Variants in PIP5K1B observed in about 807,000 individuals in gnomAD.
PIP5K1B encodes phosphatidylinositol 4-phosphate 5-kinase type-1 beta.
In PIP5K1B, 42 loss-of-function variants were observed where a neutral mutation model predicts 67.0. That is an observed-to-expected ratio of 0.63 (90% CI 0.49 to 0.81). The LOEUF (loss-of-function observed/expected upper bound fraction) is 0.81, where lower values mean the gene tolerates loss of function less well. Ranked by LOEUF, PIP5K1B falls within the 30% of genes least tolerant of loss-of-function variation. The pLI, the probability that PIP5K1B is intolerant of heterozygous loss-of-function variation, is 0.00. For missense variants in PIP5K1B, 459 were observed against 646.3 expected (o/e 0.71, Z 3.14); for synonymous variants, 214 against 231.4 (o/e 0.92, Z 0.68).
chr9:68,813,968 C>T (rs1353048571), intron 2 of PIP5K1B, among the ~76,000 whole-genome samples: 1 of 152,152 alleles, frequency 6.6e-6, no homozygotes, highest in Non-Finnish European at 1.5e-5. Context: ...AGCGACAGCC[C>T]TAGGAAACTG....
intron 13 of PIP5K1B, among the ~76,000 whole-genome samples, chr9:68,937,620 T>A (rs1353117171): frequency 6.6e-6 from 1 of 152,202 alleles, no homozygotes; most frequent in Non-Finnish European, 1.5e-5. Context: ...TCTGCTCTGA[T>A]CTTAGTTATT....
intron 8 of PIP5K1B, among the ~76,000 whole-genome samples, chr9:68,916,664 G>A (rs1163493547): frequency 6.6e-6 from 1 of 152,126 alleles, no homozygotes; most frequent in African/African-American, 2.4e-5. Flanking sequence ...ATGGGGTCAT[G>A]GGTTCGAGAC....
chr9:68,993,319 G>A (rs900355427), intron 15 of PIP5K1B, among the ~76,000 whole-genome samples: 1 of 152,062 alleles, frequency 6.6e-6, no homozygotes, highest in African/African-American at 2.4e-5. Context: ...TCTGCCTTGG[G>A]ACTTTTGTGT....
chr9:68,788,813 A>G lies in PIP5K1B; in HGVS notation c.-85-29648A>G, dbSNP rs117390286. On this transcript the variant is annotated intron_variant, in intron 2 of 15. Coordinates refer to ENST00000265382, the MANE Select transcript of PIP5K1B (RefSeq NM_003558.4). ...TTATTCCAAAGCATACAAGTGAACT[A>G]CTGTCTCAGAAACTGATATTATATT... 2,110 of 245,174 alleles carry G rather than the reference A, an allele frequency of 8.6e-3. 13 individuals are homozygous for G. The highest frequency in any genetic ancestry group is 0.012 in the Non-Finnish European group (1,430 of 119,006). The allele number at this position is 245,174 out of a possible 1,614,324, so 15.2% of individuals were successfully genotyped here.
intron 3 of PIP5K1B, among the ~76,000 whole-genome samples, 153 bp downstream of exon 3, chr9:68,818,698 C>A (rs1833576166): frequency 6.6e-6 from 1 of 151,524 alleles, no homozygotes; most frequent in Non-Finnish European, 1.5e-5. Flanking sequence ...AAACATCAAG[C>A]AAACAGAAAC....
intron 14 of PIP5K1B, among the ~76,000 whole-genome samples, chr9:68,967,101 G>A (rs1225386854): frequency 6.6e-6 from 1 of 152,156 alleles, no homozygotes; most frequent in African/African-American, 2.4e-5. Flanking sequence ...ATTTGGGGTT[G>A]GGTAAAAGTT....
At chr9:68,998,211 C>T (rs1405635590) in intron 15 of PIP5K1B, among the ~76,000 whole-genome samples, 1 of 152,050 alleles carries the variant, frequency 6.6e-6, no homozygotes. Context: ...GCTGGGACTA[C>T]AGACTCACAC....
intron 14 of PIP5K1B, among the ~76,000 whole-genome samples, chr9:68,953,662 T>G (rs1334984735): frequency 6.6e-6 from 1 of 151,686 alleles, no homozygotes; most frequent in Non-Finnish European, 1.5e-5. Flanking sequence ...ACAAAAAAAA[T>G]TAAAATTAGC....
chr9:68,727,004 A>AT (rs1276392863), intron 1 of PIP5K1B, among the ~76,000 whole-genome samples: 7 of 151,670 alleles, frequency 4.6e-5, no homozygotes, highest in African/African-American at 1.7e-4. Flanking sequence ...TAGCACACAT[A>AT]TTTTTTATAT....
At chr9:68,797,407 A>G (rs142926538) in intron 2 of PIP5K1B, among the ~76,000 whole-genome samples, 1,688 of 152,366 alleles carry the variant, frequency 0.011, 17 homozygotes, top group South Asian at 0.033. Context: ...AGGATTCTCC[A>G]GCAAACAAGA....
At chr9:68,724,060 T>C (rs902760547) in intron 1 of PIP5K1B, among the ~76,000 whole-genome samples, 2 of 152,074 alleles carry the variant, frequency 1.3e-5, no homozygotes, top group Non-Finnish European at 2.9e-5. Flanking sequence ...TGGTAAAAGA[T>C]AGGTATCTAG....
intron 5 of PIP5K1B, among the ~76,000 whole-genome samples, chr9:68,867,982 C>T (rs1823444263): frequency 6.6e-6 from 1 of 152,046 alleles, no homozygotes; most frequent in African/African-American, 2.4e-5. Flanking sequence ...TGAAGCTGCT[C>T]AAAGTTATTT....
chr9:68,817,055 G>A (rs147327960), intron 2 of PIP5K1B, among the ~76,000 whole-genome samples: 1 of 152,306 alleles, frequency 6.6e-6, no homozygotes, highest in African/African-American at 2.4e-5. Flanking sequence ...CTCACAAATT[G>A]TTTATAAAAG....
At chr9:68,748,875 G>A (rs566181946) in intron 2 of PIP5K1B, among the ~76,000 whole-genome samples, 1 of 152,204 alleles carries the variant, frequency 6.6e-6, no homozygotes, top group South Asian at 2.1e-4. Flanking sequence ...GCCTCCCAAA[G>A]GGCTGAGATT....
intron 14 of PIP5K1B, among the ~76,000 whole-genome samples, chr9:68,986,065 C>G (rs1200570569): frequency 6.6e-6 from 1 of 152,162 alleles, no homozygotes; most frequent in African/African-American, 2.4e-5. Flanking sequence ...TGCAAACATT[C>G]ATATACAAGT....
chr9:68,886,051 G>A (rs778713649), intron 6 of PIP5K1B, among the ~76,000 whole-genome samples: 13 of 152,000 alleles, frequency 8.6e-5, no homozygotes, highest in Admixed American at 2.0e-4. Flanking sequence ...CATGTAGTGG[G>A]CGCCTGTATC....
chr9:68,951,676 C>G (rs1200500659), intron 14 of PIP5K1B, among the ~76,000 whole-genome samples: 1 of 152,232 alleles, frequency 6.6e-6, no homozygotes, highest in Admixed American at 6.5e-5. Context: ...GCCATCATGT[C>G]ATCCAGCCCT....
chr9:69,004,387 G>C (rs1337180407), intron 15 of PIP5K1B, among the ~76,000 whole-genome samples: 1 of 150,966 alleles, frequency 6.6e-6, no homozygotes, highest in Non-Finnish European at 1.5e-5. Context: ...GTTCACCTGG[G>C]GACAGAGCTG....
In PIP5K1B at chr9:68,948,295, G is replaced by A. The variant is rs74781104; in HGVS notation, c.1502+7505G>A. 5.5e-4 allele frequency among the ~76,000 whole-genome samples: 83 copies of A among 152,262 alleles called. 1 individual carries two copies. The East Asian group carries it at 0.015, about 27-fold the overall frequency. Reference sequence around the variant, plus strand: ...ATAGCATTACCAGTGAACCTGAGTGGTGTCACATCTCTCTCCAGTTGTGGC... The same window carrying A: ...ATAGCATTACCAGTGAACCTGAGTGATGTCACATCTCTCTCCAGTTGTGGC... On this transcript the variant is annotated intron_variant, in intron 14 of 15. Transcript: ENST00000265382.
Sources: gnomAD v4.1 joint callset for allele counts (sites outside exome capture counted in the v4.1 genomes callset) on GRCh38, gnomAD v4.1.1 for gene constraint, MANE v1.5 for transcripts, NCBI Gene and HGNC (gene_info 2026-07-23, HGNC 2026-07-21) for gene names.